SND1: variants seen among roughly 807,000 people sequenced by gnomAD.
The protein encoded by SND1 is staphylococcal nuclease and tudor domain containing 1, also known as staphylococcal nuclease domain-containing protein 1.
In SND1, 38 loss-of-function variants were observed where a neutral mutation model predicts 121.7. That is an observed-to-expected ratio of 0.31 (90% CI 0.24 to 0.41). SND1 has a LOEUF of 0.41. SND1 is among the 10% of genes least tolerant of loss of function. The probability of loss-of-function intolerance (pLI) is 1.00; values close to 1 mark genes in which losing one functional copy is unlikely to be tolerated. For synonymous variants in SND1, 401 were observed against 447.4 expected (o/e 0.90, Z 1.31); for missense variants, 868 against 1,184.6 (o/e 0.73, Z 3.92).
chr7:127,803,319 A>G (rs1351480981), intron 10 of SND1, among the ~76,000 whole-genome samples: 1 of 151,808 alleles, frequency 6.6e-6, no homozygotes, highest in Non-Finnish European at 1.5e-5. Context: ...CCTGCTCTCC[A>G]TGTTCTTTTT....
At chr7:127,676,396 C>G (rs1434320519) in intron 1 of SND1, among the ~76,000 whole-genome samples, 2 of 152,052 alleles carry the variant, frequency 1.3e-5, no homozygotes, top group East Asian at 3.9e-4. Context: ...ATTATCTTTA[C>G]TTATAGATGA....
chr7:127,846,836 C>A (rs1256919890), intron 12 of SND1, among the ~76,000 whole-genome samples: 3 of 152,172 alleles, frequency 2.0e-5, no homozygotes, highest in Non-Finnish European at 4.4e-5. Context: ...AAGCTCACTG[C>A]CAAAGAGAGG....
intron 10 of SND1, among the ~76,000 whole-genome samples, chr7:127,754,311 GT>G (rs1192705798): frequency 6.6e-6 from 1 of 152,146 alleles, no homozygotes; most frequent in Non-Finnish European, 1.5e-5. Context: ...CTGATTGGAT[GT>G]TTTGTTACTT....
At chr7:127,674,078 C>A (rs1795574156) in intron 1 of SND1, among the ~76,000 whole-genome samples, 1 of 151,090 alleles carries the variant, frequency 6.6e-6, no homozygotes, top group Admixed American at 6.6e-5. Context: ...GTCTTCCTGT[C>A]TTCCTGCCTT....
chr7:127,725,003 TAAAAGAA>T (rs1295733888), intron 10 of SND1, among the ~76,000 whole-genome samples: 1 of 151,618 alleles, frequency 6.6e-6, no homozygotes, highest in Non-Finnish European at 1.5e-5. Flanking sequence ...CTGAGATTAC[TAAAAGAA>T]AAAAGAAAAA....
intron 13 of SND1, among the ~76,000 whole-genome samples, chr7:127,897,857 T>A (rs897475660): frequency 6.6e-6 from 1 of 152,136 alleles, no homozygotes; most frequent in African/African-American, 2.4e-5. Context: ...GAAATAGGAT[T>A]ATGAGTCATT....
chr7:127,908,411 C>G (rs1203571840), intron 14 of SND1, among the ~76,000 whole-genome samples: 1 of 150,902 alleles, frequency 6.6e-6, no homozygotes, highest in Non-Finnish European at 1.5e-5. Flanking sequence ...AGGGTAACCA[C>G]TAAAGGAAGA....
chr7:127,805,258 T>G (rs1426122201), intron 10 of SND1, among the ~76,000 whole-genome samples: 2 of 152,210 alleles, frequency 1.3e-5, no homozygotes, highest in South Asian at 2.1e-4. Flanking sequence ...CTCTAAAGAT[T>G]TTCATGTTTA....
intron 10 of SND1, among the ~76,000 whole-genome samples, chr7:127,752,738 A>G (rs996907981): frequency 6.6e-6 from 1 of 152,238 alleles, no homozygotes; most frequent in Non-Finnish European, 1.5e-5. Flanking sequence ...CTGTGTTTCA[A>G]TGAAACTTTA....
intron 15 of SND1, among the ~76,000 whole-genome samples, chr7:127,985,186 GC>G (rs1170065234): frequency 6.6e-6 from 1 of 152,164 alleles, no homozygotes; most frequent in Non-Finnish European, 1.5e-5. Flanking sequence ...GTGCTAAAAA[GC>G]ATAGCTGCCC....
chr7:128,055,888 G>C (rs1333073127), intron 16 of SND1, among the ~76,000 whole-genome samples: 1 of 152,090 alleles, frequency 6.6e-6, no homozygotes, highest in Non-Finnish European at 1.5e-5. Context: ...ACATCTGGGA[G>C]TGTGCTGCTC....
At chr7:127,807,327 A>G (rs1798255015) in intron 10 of SND1, among the ~76,000 whole-genome samples, 157 bp from the exon 11 acceptor site, 1 of 152,200 alleles carries the variant, frequency 6.6e-6, no homozygotes, top group African/African-American at 2.4e-5. Context: ...AAGCATTTCA[A>G]CCAAATACTT....
At chr7:127,929,995 A>T (rs965883989) in intron 15 of SND1, among the ~76,000 whole-genome samples, 6 of 152,204 alleles carry the variant, frequency 3.9e-5, no homozygotes, top group Admixed American at 3.9e-4. Context: ...CTCTTTGAGC[A>T]ATTTACATTT....
At chr7:127,714,478 T>A (rs1285815414) in intron 9 of SND1, among the ~76,000 whole-genome samples, 1 of 152,222 alleles carries the variant, frequency 6.6e-6, no homozygotes, top group Non-Finnish European at 1.5e-5. Context: ...TCAAATTGTT[T>A]ATAATGACAA....
At chr7:127,857,155 T>C (rs1584621591) in intron 12 of SND1, among the ~76,000 whole-genome samples, 1 of 151,680 alleles carries the variant, frequency 6.6e-6, no homozygotes, top group East Asian at 1.9e-4. Context: ...AATATTCTGG[T>C]TTCCAATTCT....
intron 11 of SND1, among the ~76,000 whole-genome samples, chr7:127,829,340 G>A (rs532311578): frequency 6.6e-6 from 1 of 152,144 alleles, no homozygotes; most frequent in South Asian, 2.1e-4. Flanking sequence ...TTGGTAGGTT[G>A]GTTTATTGTT....
intron 16 of SND1, among the ~76,000 whole-genome samples, chr7:128,033,055 G>A (rs1431978380): frequency 6.6e-6 from 1 of 152,178 alleles, no homozygotes; most frequent in Non-Finnish European, 1.5e-5. Flanking sequence ...GCTCCCCGCT[G>A]CCCCCAGAGA....
chr7:127,680,450 C>T (rs1330860508), intron 1 of SND1, among the ~76,000 whole-genome samples: 7 of 152,042 alleles, frequency 4.6e-5, no homozygotes, highest in African/African-American at 9.7e-5. Flanking sequence ...CCGTAGAAAA[C>T]GGCCATACCC....
intron 10 of SND1, among the ~76,000 whole-genome samples, chr7:127,747,652 A>G (rs1263010741): frequency 6.6e-6 from 1 of 152,210 alleles, no homozygotes; most frequent in African/African-American, 2.4e-5. Flanking sequence ...ACTGAACATC[A>G]GTGCTTTAAG....
Sources: gnomAD v4.1 joint callset for allele counts (sites outside exome capture counted in the v4.1 genomes callset) on GRCh38, gnomAD v4.1.1 for gene constraint, MANE v1.5 for transcripts, NCBI Gene and HGNC (gene_info 2026-07-23, HGNC 2026-07-21) for gene names.